The following CDH13 variants were observed in gnomAD, a reference collection of about 807,000 sequenced individuals.
The protein encoded by CDH13 is cadherin 13.
In CDH13, 24 loss-of-function variants were observed where a neutral mutation model predicts 63.8. The observed-to-expected ratio is 0.38, with a 90% CI of 0.27 to 0.53. CDH13 has a LOEUF of 0.53. Ranked by LOEUF, CDH13 falls within the 20% of genes least tolerant of loss-of-function variation. The pLI, the probability that CDH13 is intolerant of heterozygous loss-of-function variation, is 0.85. For missense variants in CDH13, 1,049 were observed against 903.1 expected (o/e 1.16, Z -2.07); for synonymous variants, 503 against 355.3 (o/e 1.42, Z -4.67).
chr16:82,753,114 C>T (rs2034482488), intron 1 of CDH13, among the ~76,000 whole-genome samples: 1 of 152,130 alleles, frequency 6.6e-6, no homozygotes, highest in African/African-American at 2.4e-5. Context: ...CTCTTACAAA[C>T]AGTACGTGTC....
intron 4 of CDH13, among the ~76,000 whole-genome samples, chr16:83,157,073 G>A (rs548495646): frequency 3.0e-4 from 45 of 152,282 alleles, no homozygotes; most frequent in African/African-American, 1.1e-3. Flanking sequence ...TCAGGCCACT[G>A]TACTTTCAAA....
At chr16:82,759,588 TATA>T (rs1203424196) in intron 1 of CDH13, among the ~76,000 whole-genome samples, 7 of 150,560 alleles carry the variant, frequency 4.6e-5, no homozygotes, top group Non-Finnish European at 8.9e-5. Flanking sequence ...TATACACATA[TATA>T]ATATATATGT....
intron 1 of CDH13, among the ~76,000 whole-genome samples, chr16:82,836,707 C>T (rs1035845660): frequency 6.6e-6 from 1 of 152,188 alleles, no homozygotes; most frequent in Admixed American, 6.5e-5. Context: ...ATGCCGACTT[C>T]CTGCATTCTG....
chr16:83,002,006 C>T (rs1342745955), intron 2 of CDH13, among the ~76,000 whole-genome samples: 12 of 152,212 alleles, frequency 7.9e-5, no homozygotes, highest in Non-Finnish European at 1.5e-5. Flanking sequence ...GTATTTGACT[C>T]ATTCATTTAT....
chr16:83,139,768 C>A (rs2036450490), intron 4 of CDH13, among the ~76,000 whole-genome samples: 1 of 152,102 alleles, frequency 6.6e-6, no homozygotes, highest in Non-Finnish European at 1.5e-5. Context: ...CTTTGGGAGG[C>A]CGACCGGGTG....
intron 5 of CDH13, among the ~76,000 whole-genome samples, chr16:83,274,945 C>G (rs59980792): frequency 0.011 from 1,717 of 152,244 alleles, 33 homozygotes; most frequent in African/African-American, 0.04. Context: ...CTCAGTGAGC[C>G]CTCCTCTGCC....
intron 3 of CDH13, among the ~76,000 whole-genome samples, chr16:83,037,190 G>A (rs759501636): frequency 7.9e-5 from 12 of 152,062 alleles, no homozygotes; most frequent in Admixed American, 5.2e-4. Context: ...GCTTTCTTAC[G>A]GTCATGCATC....
rs1201552371 is a variant in CDH13, at chr16:83,797,101, C to A, written c.*2071C>A. ...AGGGCACTGTCACGCGTCTCCCGGG[C>A]GCACCTTGCTCCCCTCTTCCTGCAA... On this transcript the variant is annotated 3_prime_UTR_variant, in exon 14 of 14. Coordinates refer to ENST00000567109, the MANE Select transcript of CDH13 (RefSeq NM_001257.5). 2 of 152,252 alleles carry A rather than the reference C, an allele frequency of 1.3e-5. No homozygotes were observed. Among genetic ancestry groups the A allele is most frequent in the African/African-American group, 2.4e-5 (1 of 41,452 alleles). 9.4% of individuals were successfully genotyped at this position (152,252 alleles called of 1,614,324 possible). A position where few individuals can be genotyped will look rare whatever the true frequency, so the allele number is the denominator to read the frequency against.
chr16:83,763,535 C>A (rs1347417968), intron 11 of CDH13, among the ~76,000 whole-genome samples: 1 of 152,054 alleles, frequency 6.6e-6, no homozygotes, highest in Admixed American at 6.5e-5. Flanking sequence ...AGCCTGTGGT[C>A]TTTCTCTTTT....
chr16:83,510,597 C>G (rs192753763), intron 7 of CDH13, among the ~76,000 whole-genome samples: 59 of 152,272 alleles, frequency 3.9e-4, no homozygotes, highest in South Asian at 2.3e-3. Context: ...TTGTGAAATC[C>G]TACCTGGAAT....
intron 4 of CDH13, among the ~76,000 whole-genome samples, chr16:83,178,882 C>A (rs922211980): frequency 3.3e-5 from 5 of 152,152 alleles, no homozygotes; most frequent in Non-Finnish European, 7.4e-5. Context: ...TTCACTCTCC[C>A]CTAACTTATT....
At chr16:83,125,628 TG>T (rs2035775059) in intron 4 of CDH13, 127 bp downstream of exon 4, 2 of 564,394 alleles carry the variant, frequency 3.5e-6, no homozygotes, top group East Asian at 5.8e-5. Context: ...AGAGACCAAA[TG>T]GTTTAGTCAT....
At chr16:82,745,394 A>G (rs2034117041) in intron 1 of CDH13, among the ~76,000 whole-genome samples, 1 of 152,220 alleles carries the variant, frequency 6.6e-6, no homozygotes, top group South Asian at 2.1e-4. Flanking sequence ...CAGTAACAAC[A>G]TTACAGAAAG....
intron 10 of CDH13, among the ~76,000 whole-genome samples, chr16:83,708,821 TC>T (rs1467291714): frequency 1.3e-5 from 2 of 151,998 alleles, no homozygotes; most frequent in Non-Finnish European, 2.9e-5. Context: ...GGCCAGGAGT[TC>T]AAGACCAGAC....
intron 6 of CDH13, among the ~76,000 whole-genome samples, chr16:83,446,200 G>T (rs1324870203): frequency 2.0e-5 from 3 of 151,696 alleles, no homozygotes; most frequent in Non-Finnish European, 4.4e-5. Context: ...CTATTTAGGA[G>T]GCTGAGGCAA....
At chr16:83,083,966 C>T (rs999653444) in intron 3 of CDH13, among the ~76,000 whole-genome samples, 3 of 152,194 alleles carry the variant, frequency 2.0e-5, no homozygotes, top group Non-Finnish European at 4.4e-5. Context: ...CCAATTGCAG[C>T]TGTTTCGAGA....
intron 1 of CDH13, among the ~76,000 whole-genome samples, chr16:82,792,422 C>G (rs1368109135): frequency 6.6e-6 from 1 of 152,130 alleles, no homozygotes; most frequent in Non-Finnish European, 1.5e-5. Context: ...AAAAAAAGAT[C>G]AATTCATTAC....
At chr16:83,233,773 T>G (rs1215969087) in intron 5 of CDH13, among the ~76,000 whole-genome samples, 1 of 152,174 alleles carries the variant, frequency 6.6e-6, no homozygotes, top group Non-Finnish European at 1.5e-5. Context: ...TTTCTTTAAT[T>G]TAAATTTATC....
rs113242286 is a variant in CDH13, at chr16:82,917,436, A to G, written c.157+58963A>G. Among the ~76,000 whole-genome samples, 9 of 152,286 alleles carry G rather than the reference A, an allele frequency of 5.9e-5. 1 individual carries two copies. The highest frequency in any genetic ancestry group is 2.2e-4 in the African/African-American group (9 of 41,558). ...AAAGAAAGAAAGATTCTTCACAGGG[A>G]AGTCCTGGCTATCTAACTGTGAAAA... On this transcript the variant is annotated intron_variant, in intron 2 of 13. Transcript: ENST00000567109.
Sources: allele counts gnomAD v4.1 joint callset (sites outside exome capture counted in the v4.1 genomes callset), GRCh38; gene constraint gnomAD v4.1.1; transcripts MANE v1.5; gene names NCBI Gene and HGNC (gene_info 2026-07-23, HGNC 2026-07-21).